Variants in NLGN1 observed in about 807,000 individuals in gnomAD.
NLGN1 encodes the protein neuroligin-1.
NLGN1 carries 12 observed loss-of-function variants against 65.5 expected under a neutral mutation model. The observed-to-expected ratio is 0.18, with a 90% confidence interval of 0.12 to 0.30. The LOEUF is 0.30. NLGN1 is among the 10% of genes least tolerant of loss of function. The probability of loss-of-function intolerance (pLI) is 1.00; values close to 1 mark genes in which losing one functional copy is unlikely to be tolerated. For synonymous variants in NLGN1, 350 were observed against 359.5 expected (o/e 0.97, Z 0.30); for missense variants, 750 against 1,007.1 (o/e 0.74, Z 3.46).
intron 4 of NLGN1, among the ~76,000 whole-genome samples, chr3:173,826,557 T>A: frequency 6.6e-6 from 1 of 152,130 alleles, no homozygotes; most frequent in East Asian, 1.9e-4. Flanking sequence ...TATCCTGAAG[T>A]TCCTTATAAA....
Position 173,789,900 on chromosome 3 carries a change from C to CTGATTTCTCAGTTCTGA in NLGN1, c.494-17780_494-17779insTGATTTCTCAGTTCTGA, listed in dbSNP as rs778034606. On this transcript the variant is annotated intron_variant, in intron 3 of 6. Transcript: ENST00000457714. ...AGCTAATCTAGTTCTGATTTCTCAG[C>CTGATTTCTCAGTTCTGA]ATCTCTATTGAGGACAAGGCACCTG... 5.6e-4 allele frequency: 288 copies of CTGATTTCTCAGTTCTGA among 512,980 alleles called. 1 individual carries two copies. The highest frequency in any genetic ancestry group is 5.0e-3 in the African/African-American group (259 of 52,016). The allele number at this position is 512,980 out of a possible 1,614,324, so 31.8% of individuals were successfully genotyped here.
At chr3:173,424,594 T>C (rs1253352864) in intron 1 of NLGN1, among the ~76,000 whole-genome samples, 1 of 152,198 alleles carries the variant, frequency 6.6e-6, no homozygotes, top group African/African-American at 2.4e-5. Flanking sequence ...CTCTTTCAAG[T>C]TTAAAGTTCC....
At chr3:173,896,564 A>G (rs780744266) in intron 4 of NLGN1, among the ~76,000 whole-genome samples, 11 of 152,176 alleles carry the variant, frequency 7.2e-5, no homozygotes, top group Non-Finnish European at 1.6e-4. Context: ...AACTTATTTG[A>G]CATTTGTTAG....
At chr3:174,154,510 C>A (rs1003836415) in intron 4 of NLGN1, among the ~76,000 whole-genome samples, 1 of 151,784 alleles carries the variant, frequency 6.6e-6, no homozygotes, top group Non-Finnish European at 1.5e-5. Flanking sequence ...TTTACTGAAC[C>A]GGAAAGTGTA....
intron 3 of NLGN1, among the ~76,000 whole-genome samples, chr3:173,622,904 C>T (rs1004003626): frequency 1.3e-5 from 2 of 152,078 alleles, no homozygotes; most frequent in African/African-American, 4.8e-5. Context: ...ACTTCCTGCT[C>T]AATAACAAAT....
At position 173,762,414 on chromosome 3, in the gene NLGN1, TAAAAG is replaced by T. The variant is rs1778103612; in HGVS notation, c.494-45262_494-45258del. Among the ~76,000 whole-genome samples the T allele has an allele frequency of 2.6e-5, 4 of 151,964 alleles. No homozygotes were observed. The South Asian group carries it at 8.3e-4, about 32-fold the overall frequency. ...CTGTACCTTTAAAATGATAATAAATTAAAAGAAATGGAGAACAAAATATTTGAGTG... is the reference window on the plus strand; with the variant it reads ...CTGTACCTTTAAAATGATAATAAATTAAATGGAGAACAAAATATTTGAGTG... On this transcript the variant is annotated intron_variant, in intron 3 of 6. Transcript: ENST00000457714.
chr3:173,795,110 T>G (rs1163137165), intron 3 of NLGN1, among the ~76,000 whole-genome samples: 1 of 152,124 alleles, frequency 6.6e-6, no homozygotes, highest in African/African-American at 2.4e-5. Flanking sequence ...GGAAATTGTT[T>G]CCTTCCAAAA....
chr3:173,753,690 A>G (rs2150168178), intron 3 of NLGN1, among the ~76,000 whole-genome samples: 1 of 152,086 alleles, frequency 6.6e-6, no homozygotes, highest in Admixed American at 6.6e-5. Context: ...CTCTTGCCTT[A>G]AGATCTTCCA....
At chr3:173,571,183 G>A (rs1003512005) in intron 2 of NLGN1, among the ~76,000 whole-genome samples, 12 of 152,200 alleles carry the variant, frequency 7.9e-5, no homozygotes, top group African/African-American at 2.9e-4. Flanking sequence ...GCAGACCTCT[G>A]TGTGGCCATA....
chr3:174,152,306 C>G (rs1197333095), intron 4 of NLGN1, among the ~76,000 whole-genome samples: 1 of 152,040 alleles, frequency 6.6e-6, no homozygotes, highest in Non-Finnish European at 1.5e-5. Context: ...AATATATCAT[C>G]TAAACCATAT....
At chr3:173,697,535 CT>C (rs902351755) in intron 3 of NLGN1, among the ~76,000 whole-genome samples, 10 of 148,054 alleles carry the variant, frequency 6.8e-5, no homozygotes, top group Admixed American at 6.8e-5. Context: ...GAAAGATTTT[CT>C]TTTTTTTTTA....
At chr3:173,979,867 AAGAATACTC>A (rs2152391065) in intron 4 of NLGN1, among the ~76,000 whole-genome samples, 1 of 152,188 alleles carries the variant, frequency 6.6e-6, no homozygotes, top group South Asian at 2.1e-4. Context: ...TTTTATATAT[AAGAATACTC>A]AACATGTTCA....
At chr3:174,056,568 C>T (rs916685354) in intron 4 of NLGN1, among the ~76,000 whole-genome samples, 2 of 151,878 alleles carry the variant, frequency 1.3e-5, no homozygotes, top group Non-Finnish European at 2.9e-5. Context: ...AAACGAGAAT[C>T]CAAAGTTTGT....
chr3:173,821,898 A>G (rs1270807099), intron 4 of NLGN1, among the ~76,000 whole-genome samples: 1 of 152,190 alleles, frequency 6.6e-6, no homozygotes, highest in East Asian at 1.9e-4. Flanking sequence ...GAGAGCATAT[A>G]CAATAACATT....
At position 174,073,890 on chromosome 3, in the gene NLGN1, A is replaced by G. The variant is rs552701718; in HGVS notation, c.647-201425A>G. Among the ~76,000 whole-genome samples, 24 of 152,342 alleles carry G rather than the reference A, an allele frequency of 1.6e-4. No homozygotes were observed. In the South Asian group the frequency reaches 5.0e-3, roughly 32 times the overall value. ...AATAGAGTGGTCCTTTTAGTTAAAT[A>G]AATGATAAATACTATATTTAAGGTA... is the stretch of plus-strand genomic sequence containing the variant. On this transcript the variant is annotated intron_variant, in intron 4 of 6. Transcript: ENST00000457714.
chr3:173,834,150 T>C (rs1449316681), intron 4 of NLGN1, among the ~76,000 whole-genome samples: 1 of 152,202 alleles, frequency 6.6e-6, no homozygotes, highest in Non-Finnish European at 1.5e-5. Flanking sequence ...TTTTAAGTGT[T>C]AACTTTTCAT....
chr3:174,231,340 C>T (rs895954235), intron 4 of NLGN1, among the ~76,000 whole-genome samples: 5 of 152,060 alleles, frequency 3.3e-5, no homozygotes, highest in Non-Finnish European at 7.4e-5. Flanking sequence ...GTAAAGTGAC[C>T]TACAGGAATT....
At chr3:173,654,589 A>G (rs1759695273) in intron 3 of NLGN1, among the ~76,000 whole-genome samples, 1 of 152,122 alleles carries the variant, frequency 6.6e-6, no homozygotes, top group Non-Finnish European at 1.5e-5. Context: ...TTAAACTAAT[A>G]TTTCTCAACT....
intron 4 of NLGN1, among the ~76,000 whole-genome samples, chr3:174,105,449 G>T (rs1713512674): frequency 6.6e-6 from 1 of 152,018 alleles, no homozygotes. Context: ...AGGCTGAGGT[G>T]GGAAGATCAC....
Sources: gnomAD v4.1 joint callset for allele counts (sites outside exome capture counted in the v4.1 genomes callset) on GRCh38, gnomAD v4.1.1 for gene constraint, MANE v1.5 for transcripts, NCBI Gene and HGNC (gene_info 2026-07-23, HGNC 2026-07-21) for gene names.